The following CNOT4 variants were observed in gnomAD, a reference collection of about 807,000 sequenced individuals.
CNOT4 encodes CCR4-NOT transcription complex subunit 4, also known as CCR4-associated factor 4.
A neutral mutation model predicts 73.8 loss-of-function variants in CNOT4; 8 were observed. That is an observed-to-expected ratio of 0.11 (90% CI 0.06 to 0.20). The LOEUF is 0.20. Ranked by LOEUF, CNOT4 falls within the 10% of genes least tolerant of loss-of-function variation. CNOT4 has a pLI of 1.00. For missense variants in CNOT4, 564 were observed against 883.4 expected, an observed-to-expected ratio of 0.64 and a Z score of 4.58; for synonymous variants, 293 against 321.1, an observed-to-expected ratio of 0.91 and a Z score of 0.94.
At chr7:135,459,781 T>C (rs950978498) in intron 1 of CNOT4, among the ~76,000 whole-genome samples, 1 of 152,214 alleles carries the variant, frequency 6.6e-6, no homozygotes, top group Non-Finnish European at 1.5e-5. Context: ...AGCCTATCCT[T>C]TGAAGCTTTG....
chr7:135,449,874 T>C (rs1011511381), intron 1 of CNOT4, among the ~76,000 whole-genome samples: 4 of 151,574 alleles, frequency 2.6e-5, no homozygotes, highest in Non-Finnish European at 5.9e-5. Flanking sequence ...TTCTAAAGTA[T>C]TGACAGACTT....
intron 10 of CNOT4, among the ~76,000 whole-genome samples, chr7:135,374,231 C>T (rs1296596760): frequency 6.6e-6 from 1 of 152,114 alleles, no homozygotes; most frequent in African/African-American, 2.4e-5. Flanking sequence ...CTCCTCAGTC[C>T]TCCCCCAAAA....
At chr7:135,478,652 G>A (rs1022194300) in intron 1 of CNOT4, among the ~76,000 whole-genome samples, 1 of 152,140 alleles carries the variant, frequency 6.6e-6, no homozygotes, top group Non-Finnish European at 1.5e-5. Flanking sequence ...GCAGTGAGCA[G>A]AGATCGCACC....
At chr7:135,432,759 C>G (rs1161298228) in intron 2 of CNOT4, among the ~76,000 whole-genome samples, 1 of 152,178 alleles carries the variant, frequency 6.6e-6, no homozygotes, top group East Asian at 1.9e-4. Flanking sequence ...TGAGGCCTCT[C>G]AGGTCTGAAA....
At chr7:135,495,750 GAAAGAAAGAA>G (rs1585734210) in intron 1 of CNOT4, among the ~76,000 whole-genome samples, 1 of 106,686 alleles carries the variant, frequency 9.4e-6, no homozygotes, top group East Asian at 3.3e-4. Context: ...AAGAAAGAAA[GAAAGAAAGAA>G]AGAAATTTAA....
intron 10 of CNOT4, among the ~76,000 whole-genome samples, chr7:135,368,128 C>A (rs879190470): frequency 6.6e-6 from 1 of 152,036 alleles, no homozygotes; most frequent in Admixed American, 6.5e-5. Flanking sequence ...CAAGATGCGA[C>A]GTGTCACACT....
At chr7:135,407,534 C>T (rs1797359151) in intron 7 of CNOT4, among the ~76,000 whole-genome samples, 1 of 152,182 alleles carries the variant, frequency 6.6e-6, no homozygotes, top group African/African-American at 2.4e-5. Flanking sequence ...CCTGCTAGTG[C>T]TACCAGTCTA....
At chr7:135,420,922 T>C (rs1185248055) in intron 3 of CNOT4, among the ~76,000 whole-genome samples, 1 of 152,134 alleles carries the variant, frequency 6.6e-6, no homozygotes, top group Non-Finnish European at 1.5e-5. Flanking sequence ...TAAAGAAGTC[T>C]TTTTCTATAT....
intron 1 of CNOT4, among the ~76,000 whole-genome samples, chr7:135,484,678 C>A (rs974715317): frequency 6.6e-6 from 1 of 151,356 alleles, no homozygotes; most frequent in Non-Finnish European, 1.5e-5. Flanking sequence ...TCACTTGAAC[C>A]CAGGAAGCGG....
Position 135,393,959 on chromosome 7 carries a change from G to C in CNOT4, c.1586C>G (p.Pro529Arg), listed in dbSNP as rs190906616. 5 of 1,612,736 alleles carry C rather than the reference G, an allele frequency of 3.1e-6. No individual in the cohort carries two copies. The South Asian group carries it at 4.4e-5, about 14-fold the overall frequency. ...TCCCAGACCTGTGTTGTGCTGTGGC[G>C]GGAGATTCAAGTCCAAGAAATTACT... ...SNSNFLDLNLPPQHNTGLGGI... is the reference protein window; with the variant it reads ...SNSNFLDLNLRPQHNTGLGGI... Residue 529 changes from proline to arginine, a missense_variant, in exon 10 of 12, where the codon CCG becomes CGG. This residue lies in a region of CNOT4 where 153 missense variants were observed against 158.7 expected (regional missense o/e 0.96). Coordinates refer to ENST00000541284, the MANE Select transcript of CNOT4 (RefSeq NM_001190850.2).
At chr7:135,441,717 A>G (rs1357249070) in intron 1 of CNOT4, among the ~76,000 whole-genome samples, 1 of 152,232 alleles carries the variant, frequency 6.6e-6, no homozygotes, top group African/African-American at 2.4e-5. Context: ...TTATGAATAG[A>G]AAAGCTTTCT....
At position 135,407,717 on chromosome 7, in the gene CNOT4, G is replaced by C. The variant is rs980571867; in HGVS notation, c.821+2798C>G. Among the ~76,000 whole-genome samples, 3 of 152,148 alleles carry C rather than the reference G, an allele frequency of 2.0e-5. No homozygotes were observed. In the South Asian group the frequency reaches 6.2e-4, roughly 31 times the overall value. ...TGTTTTTGTTTTTTGTAGAGGCAGG[G>C]GTCTTGCTTTGTTGCCCAGGCTGCT... On this transcript the variant is annotated intron_variant, in intron 7 of 11. Transcript: ENST00000541284.
chr7:135,465,927 T>A (rs958693029), intron 1 of CNOT4, among the ~76,000 whole-genome samples: 1 of 151,660 alleles, frequency 6.6e-6, no homozygotes, highest in African/African-American at 2.4e-5. Context: ...CAAGTGCCTG[T>A]AATCCCAGCT....
intron 1 of CNOT4, among the ~76,000 whole-genome samples, chr7:135,451,643 A>G (rs1191119062): frequency 6.6e-6 from 1 of 152,192 alleles, no homozygotes; most frequent in Non-Finnish European, 1.5e-5. Context: ...ACATATGTAT[A>G]GTATAAGCAA....
rs118014019 is a variant in CNOT4 at position 135,439,498 on chromosome 7, C to A, written c.-92-1075G>T. The stretch of plus-strand genomic sequence containing the variant: ...ATCTAGATATAGCTGGGTACAGCAG[C>A]TCATGACTGTAATCCCAGCACTTTG... On this transcript the variant is annotated intron_variant, in intron 1 of 11. Coordinates refer to ENST00000541284, the MANE Select transcript of CNOT4 (RefSeq NM_001190850.2). Among the ~76,000 whole-genome samples, 335 of 152,306 alleles carry A rather than the reference C, an allele frequency of 2.2e-3. 4 individuals are homozygous for A. The East Asian group carries it at 0.037, about 17-fold the overall frequency.
At chr7:135,443,371 C>T (rs1246491201) in intron 1 of CNOT4, among the ~76,000 whole-genome samples, 2 of 151,286 alleles carry the variant, frequency 1.3e-5, no homozygotes, top group African/African-American at 4.9e-5. Flanking sequence ...AAAAAAAAGC[C>T]TTTTCATATA....
At chr7:135,498,168 C>G (rs569167859) in intron 1 of CNOT4, among the ~76,000 whole-genome samples, 1 of 152,080 alleles carries the variant, frequency 6.6e-6, no homozygotes, top group Non-Finnish European at 1.5e-5. Context: ...TTCCATACTA[C>G]CCAGCATACT....
intron 10 of CNOT4, among the ~76,000 whole-genome samples, chr7:135,389,162 A>G (rs1796272801): frequency 1.3e-5 from 2 of 149,410 alleles, no homozygotes; most frequent in African/African-American, 4.9e-5. Context: ...ACTACCAAAA[A>G]AAAAAAAAAA....
chr7:135,445,376 G>A (rs925772792), intron 1 of CNOT4, among the ~76,000 whole-genome samples: 12 of 152,062 alleles, frequency 7.9e-5, no homozygotes, highest in East Asian at 7.7e-4. Flanking sequence ...ATTAATTTTC[G>A]AAAACTTCCC....
Sources: gnomAD v4.1 joint callset for allele counts (sites outside exome capture counted in the v4.1 genomes callset) on GRCh38, gnomAD v4.1.1 for gene constraint, gnomAD v4.1.1 regional missense constraint, MANE v1.5 for transcripts, NCBI Gene and HGNC (gene_info 2026-07-23, HGNC 2026-07-21) for gene names.